The following KLHL7 variants were observed in gnomAD, a reference collection of about 807,000 sequenced individuals.
KLHL7 encodes kelch-like protein 7.
A neutral mutation model predicts 67.4 loss-of-function variants in KLHL7; 44 were observed. The ratio of observed to expected loss-of-function variants is 0.65; its 90% confidence interval spans 0.51 to 0.84. KLHL7 has a LOEUF of 0.84. Among genes scored for constraint, KLHL7 ranks in the 40% least tolerant of loss-of-function variants. The probability of loss-of-function intolerance (pLI) is 0.00; values close to 1 mark genes in which losing one functional copy is unlikely to be tolerated. For missense variants in KLHL7, 362 were observed against 718.1 expected (o/e 0.50, Z 5.67); for synonymous variants, 252 against 243.3 (o/e 1.04, Z -0.33).
At chr7:23,172,051 T>C (rs1785180262) in intron 9 of KLHL7, 3 of 424,590 alleles carry the variant, frequency 7.1e-6, no homozygotes, top group African/African-American at 4.2e-5. Context: ...ACAATAATTA[T>C]AGAGAGTTAC....
chr7:23,115,877 A>G (rs1016756389), intron 1 of KLHL7, among the ~76,000 whole-genome samples: 4 of 151,974 alleles, frequency 2.6e-5, no homozygotes, highest in African/African-American at 9.7e-5. Flanking sequence ...ATTGTTAGAG[A>G]TTTGCCAGGG....
intron 1 of KLHL7, among the ~76,000 whole-genome samples, chr7:23,117,333 A>G (rs891095068): frequency 2.6e-5 from 4 of 152,008 alleles, no homozygotes; most frequent in Non-Finnish European, 5.9e-5. Context: ...GGTGATCCAC[A>G]TGCCTTGGCT....
At chr7:23,146,642 GTTC>G (rs763440560) in intron 6 of KLHL7, among the ~76,000 whole-genome samples, 142 of 148,876 alleles carry the variant, frequency 9.5e-4, no homozygotes, top group Non-Finnish European at 9.2e-4. Context: ...CACTTATAGA[GTTC>G]TTCTTCTTCT....
chr7:23,124,903 G>GTT (rs1199997293), intron 3 of KLHL7, 122 bp downstream of exon 3: 1 of 1,108,012 alleles, frequency 9.0e-7, no homozygotes, highest in Admixed American at 1.9e-5. Flanking sequence ...GGATGGAAGA[G>GTT]TTTCAGTATC....
Position 23,140,880 on chromosome 7 carries a change from T to C in KLHL7, c.554T>C (p.Leu185Pro). Residue 185 changes from leucine to proline, a missense_variant, in exon 5 of 11, where the codon CTT becomes CCT. By Grantham distance (98) the Leu-to-Pro change is moderately conservative (BLOSUM62 -3). Transcript: ENST00000339077. ...EVYKTDEFLQ[L>P]DVKRVTHLLN... The stretch of plus-strand genomic sequence containing the variant: ...TACAAAACTGATGAATTTCTTCAAC[T>C]TGATGTCAAGCGAGTAACACATCTT... 2 of 1,614,080 alleles carry C rather than the reference T, an allele frequency of 1.2e-6. No homozygotes were observed. The highest frequency in any genetic ancestry group is 1.7e-6 in the Non-Finnish European group (2 of 1,179,972).
intron 4 of KLHL7, among the ~76,000 whole-genome samples, chr7:23,135,223 A>G (rs1164171610): frequency 6.6e-6 from 1 of 152,206 alleles, no homozygotes; most frequent in Non-Finnish European, 1.5e-5. Context: ...TATAATTTCC[A>G]TGTGTTTGTA....
chr7:23,152,336 T>A, intron 7 of KLHL7, 127 bp downstream of exon 7: 2 of 854,560 alleles, frequency 2.3e-6, no homozygotes, highest in Non-Finnish European at 3.9e-6. Flanking sequence ...TTCTTTCACA[T>A]ATGTTATGAG....
intron 8 of KLHL7, 145 bp downstream of exon 8, chr7:23,166,083 A>C: frequency 8.2e-5 from 79 of 965,232 alleles, no homozygotes; most frequent in Middle Eastern, 6.5e-4. Flanking sequence ...TTTAGAGCTC[A>C]TCTCCCTGAA....
intron 1 of KLHL7, among the ~76,000 whole-genome samples, chr7:23,121,706 A>G (rs764587404): frequency 5.0e-4 from 69 of 139,180 alleles, no homozygotes; most frequent in Non-Finnish European, 8.1e-4. Context: ...TAGTTGAGAT[A>G]GAGTCTCGCT....
chr7:23,105,935 C>A lies in KLHL7; in HGVS notation c.-92C>A, dbSNP rs1198667720. The A allele has an allele frequency of 6.5e-7, 1 of 1,539,762 alleles. No individual in the cohort carries two copies. The highest frequency in any genetic ancestry group is 1.4e-5 in the African/African-American group (1 of 73,868). ...GCGCTGCAGCTGCACTGCCGATCGC[C>A]GTGTTTGGTCGATAGAATCCCCAGT... On this transcript the variant is annotated 5_prime_UTR_variant, in exon 1 of 11. Coordinates refer to ENST00000339077, the MANE Select transcript of KLHL7 (RefSeq NM_001031710.3).
At chr7:23,130,358 T>C (rs944389732) in intron 4 of KLHL7, among the ~76,000 whole-genome samples, 1 of 152,200 alleles carries the variant, frequency 6.6e-6, no homozygotes, top group Non-Finnish European at 1.5e-5. Context: ...AGCAACTGGA[T>C]TTACAGATCT....
At chr7:23,123,930 T>A in intron 2 of KLHL7, 51 bp downstream of exon 2, 1 of 1,228,250 alleles carries the variant, frequency 8.1e-7, no homozygotes, top group Non-Finnish European at 1.2e-6. Flanking sequence ...GAGAATGAAG[T>A]AAAATCTAAA....
chr7:23,114,441 T>A (rs563184381), intron 1 of KLHL7, among the ~76,000 whole-genome samples: 3 of 152,316 alleles, frequency 2.0e-5, no homozygotes, highest in East Asian at 3.9e-4. Context: ...TTATTGATAC[T>A]TCCTTATATA....
At chr7:23,171,158 G>C (rs1343023165) in intron 9 of KLHL7, 1 of 353,716 alleles carries the variant, frequency 2.8e-6, no homozygotes, top group African/African-American at 2.2e-5. Flanking sequence ...GCCCACCTTG[G>C]CCTCCCAAAG....
chr7:23,176,801 C>T lies in KLHL7; in HGVS notation c.*2503C>T, dbSNP rs934691654. Reference sequence around the variant, plus strand: ...CCAGCCTGGACAACATGCCAAAACCCCGTCTCTACTAAAAATACAAAAATT... The same window carrying T: ...CCAGCCTGGACAACATGCCAAAACCTCGTCTCTACTAAAAATACAAAAATT... On this transcript the variant is annotated 3_prime_UTR_variant, in exon 11 of 11. Coordinates refer to ENST00000339077, the MANE Select transcript of KLHL7 (RefSeq NM_001031710.3). The T allele has an allele frequency of 1.3e-5, 2 of 152,266 alleles. No homozygotes were observed. Among genetic ancestry groups the T allele is most frequent in the Non-Finnish European group, 2.9e-5 (2 of 68,220 alleles). 9.4% of individuals were successfully genotyped at this position (152,266 alleles called of 1,614,324 possible). A position where few individuals can be genotyped will look rare whatever the true frequency, so the allele number is the denominator to read the frequency against.
At chr7:23,128,188 A>G (rs1783653776) in intron 4 of KLHL7, among the ~76,000 whole-genome samples, 2 of 151,974 alleles carry the variant, frequency 1.3e-5, no homozygotes, top group South Asian at 4.1e-4. Context: ...ATGGTTTTAC[A>G]GTTTTTTGAC....
rs1785051268 is a variant in KLHL7 at position 23,167,967 on chromosome 7, G to A, written c.1309G>A (p.Gly437Arg). The change falls in exon 9 of 11, where the codon GGA (glycine) becomes AGA (arginine). Residue 437 changes from glycine (G) to arginine (R), a missense_variant. Coordinates refer to ENST00000339077, the MANE Select transcript of KLHL7 (RefSeq NM_001031710.3). ...EANGLIYVCG[G>R]SLGNNVSGRV... is the part of the protein sequence containing the mutation. ...CAATGGCCTAATCTATGTTTGTGGTGGAAGTTTAGGAAACAATGTTTCTGG... is the reference window on the plus strand; with the variant it reads ...CAATGGCCTAATCTATGTTTGTGGTAGAAGTTTAGGAAACAATGTTTCTGG... 6 of 1,614,184 alleles carry A rather than the reference G, an allele frequency of 3.7e-6. No individual in the cohort carries two copies. Among genetic ancestry groups the A allele is most frequent in the Non-Finnish European group, 5.1e-6 (6 of 1,180,012 alleles).
intron 1 of KLHL7, among the ~76,000 whole-genome samples, chr7:23,110,108 A>G (rs1173907339): frequency 1.3e-5 from 2 of 152,192 alleles, no homozygotes; most frequent in Non-Finnish European, 2.9e-5. Context: ...CCACTAGACT[A>G]TCAGTGCCCG....
chr7:23,146,667 T>TTCTTCTTCTTCTTCTTCTTC (rs61573730), intron 6 of KLHL7, among the ~76,000 whole-genome samples: 48 of 71,622 alleles, frequency 6.7e-4, no homozygotes, highest in African/African-American at 2.2e-3. Flanking sequence ...CTTCTTCTTC[T>TTCTTCTTCTTCTTCTTCTTC]TTTTTTTTTA....
Sources: allele counts gnomAD v4.1 joint callset (sites outside exome capture counted in the v4.1 genomes callset), GRCh38; gene constraint gnomAD v4.1.1; transcripts MANE v1.5; gene names NCBI Gene and HGNC (gene_info 2026-07-23, HGNC 2026-07-21).